The following ZC3H6 variants were observed in gnomAD, a reference collection of about 807,000 sequenced individuals.
The protein encoded by ZC3H6 is zinc finger CCCH domain-containing protein 6.
Under a neutral mutation model 107.7 loss-of-function variants are expected in ZC3H6, and 40 were observed. The ratio of observed to expected loss-of-function variants is 0.37; its 90% confidence interval spans 0.29 to 0.48. ZC3H6 has a LOEUF of 0.48. ZC3H6 is among the 20% of genes least tolerant of loss of function. The probability of loss-of-function intolerance (pLI) is 0.98; values close to 1 mark genes in which losing one functional copy is unlikely to be tolerated. For synonymous variants in ZC3H6, 493 were observed against 487.9 expected (o/e 1.01, Z -0.14); for missense variants, 1,267 against 1,410.4 (o/e 0.90, Z 1.63).
chr2:112,310,651 A>G (rs980645718), intron 4 of ZC3H6, among the ~76,000 whole-genome samples: 1 of 152,242 alleles, frequency 6.6e-6, no homozygotes, highest in African/African-American at 2.4e-5. Context: ...ATTGAATTAC[A>G]TGGTCCCTGG....
chr2:112,289,239 C>A (rs1381265852), intron 1 of ZC3H6, among the ~76,000 whole-genome samples: 1 of 151,030 alleles, frequency 6.6e-6, no homozygotes, highest in African/African-American at 2.4e-5. Flanking sequence ...CTCAAGTGAT[C>A]TGCCCACCTC....
chr2:112,335,164 G>A lies in ZC3H6; in HGVS notation c.*2676G>A, dbSNP rs1677117912. 6.6e-6 allele frequency: 1 copy of A among 152,170 alleles called. No individual in the cohort carries two copies. The highest frequency in any genetic ancestry group is 1.5e-5 in the Non-Finnish European group (1 of 68,020). 9.4% of individuals were successfully genotyped at this position (152,170 alleles called of 1,614,324 possible). A position where few individuals can be genotyped will look rare whatever the true frequency, so the allele number is the denominator to read the frequency against. On this transcript the variant is annotated 3_prime_UTR_variant, in exon 12 of 12. Transcript: ENST00000409871. ...CATTGTGAACCTTGAACACAAATCA[G>A]ATGTTGGAGTGATTTCAAACTCTAT...
chr2:112,284,597 T>A (rs1424057191), intron 1 of ZC3H6, among the ~76,000 whole-genome samples: 1 of 151,570 alleles, frequency 6.6e-6, no homozygotes, highest in African/African-American at 2.4e-5. Context: ...ATGATTGCTG[T>A]CATGCACATA....
chr2:112,282,268 G>A (rs1258236240), intron 1 of ZC3H6, among the ~76,000 whole-genome samples: 2 of 152,152 alleles, frequency 1.3e-5, no homozygotes, highest in Admixed American at 6.5e-5. Context: ...CAGAGCGGCC[G>A]GAGAACTCTG....
chr2:112,303,110 T>G, intron 2 of ZC3H6, 119 bp from the exon 3 acceptor site: 1 of 1,276,888 alleles, frequency 7.8e-7, no homozygotes, highest in Non-Finnish European at 1.1e-6. Flanking sequence ...TACTTCAGAG[T>G]CTCCTGGAAT....
chr2:112,316,515 A>T lies in ZC3H6; in HGVS notation c.793A>T (p.Ile265Phe). ...KKWKVMTQEF[I>F]NQHTVEHKGK... is the part of the protein sequence containing the mutation. Reference sequence around the variant, plus strand: ...ATGGAAGGTTATGACTCAGGAATTTATTAATCAGCACACAGTGGAACACAA... The same window carrying T: ...ATGGAAGGTTATGACTCAGGAATTTTTTAATCAGCACACAGTGGAACACAA... Residue 265 changes from isoleucine to phenylalanine, a missense_variant, in exon 6 of 12, where the codon ATT (isoleucine) becomes TTT (phenylalanine). This residue lies in a region of ZC3H6 where 337 missense variants were observed against 361.2 expected (regional missense o/e 0.93). Transcript: ENST00000409871. The T allele has an allele frequency of 6.2e-7, 1 of 1,610,452 alleles. No homozygotes were observed. The highest frequency in any genetic ancestry group is 1.1e-5 in the South Asian group (1 of 90,228).
chr2:112,327,959 G>T (rs764956252), intron 11 of ZC3H6, among the ~76,000 whole-genome samples: 2 of 151,802 alleles, frequency 1.3e-5, no homozygotes, highest in Non-Finnish European at 2.9e-5. Context: ...GTGCGATCTC[G>T]GCTCACCACA....
chr2:112,289,615 G>A (rs1258650835), intron 1 of ZC3H6, among the ~76,000 whole-genome samples: 1 of 152,088 alleles, frequency 6.6e-6, no homozygotes, highest in Non-Finnish European at 1.5e-5. Context: ...GTGAGCCACC[G>A]CGCCGGCCCT....
chr2:112,314,395 C>T (rs2104715410), intron 5 of ZC3H6, among the ~76,000 whole-genome samples: 1 of 152,214 alleles, frequency 6.6e-6, no homozygotes, highest in African/African-American at 2.4e-5. Context: ...TAGCTGTGGA[C>T]ACTGACATAC....
chr2:112,293,495 T>C (rs949795495), intron 1 of ZC3H6, among the ~76,000 whole-genome samples: 1 of 152,206 alleles, frequency 6.6e-6, no homozygotes, highest in South Asian at 2.1e-4. Flanking sequence ...AGGAACTGTT[T>C]ATGAAACTGT....
chr2:112,300,059 G>T, intron 2 of ZC3H6, 30 bp downstream of exon 2: 1 of 1,294,726 alleles, frequency 7.7e-7, no homozygotes, highest in South Asian at 2.2e-5. Flanking sequence ...TTATTCTTTT[G>T]ATAAATGTTT....
intron 7 of ZC3H6, among the ~76,000 whole-genome samples, chr2:112,319,006 A>G (rs2104718572): frequency 6.6e-6 from 1 of 152,354 alleles, no homozygotes; most frequent in East Asian, 1.9e-4. Context: ...GGAAAGGGGA[A>G]CTTCTAGAAA....
At chr2:112,276,829 ATCTT>A (rs1423881670) in intron 1 of ZC3H6, among the ~76,000 whole-genome samples, 6 of 152,240 alleles carry the variant, frequency 3.9e-5, no homozygotes, top group Admixed American at 1.3e-4. Flanking sequence ...ATTCGTATAT[ATCTT>A]TAATAATGCG....
rs1435092537 is a variant in ZC3H6 at position 112,302,831 on chromosome 2, C to T, written c.214-398C>T. The stretch of plus-strand genomic sequence containing the variant: ...TACTCATGCAATAGAATAAGAACTC[C>T]AAAGCCATTTTAGGTAAAAACAAAT... On this transcript the variant is annotated intron_variant, in intron 2 of 11. Coordinates refer to ENST00000409871, the MANE Select transcript of ZC3H6 (RefSeq NM_198581.3). Among the ~76,000 whole-genome samples the T allele has an allele frequency of 5.3e-5, 8 of 151,648 alleles. No homozygotes were observed. The South Asian group carries it at 1.7e-3, about 32-fold the overall frequency.
chr2:112,285,549 G>C (rs1038773031), intron 1 of ZC3H6, among the ~76,000 whole-genome samples: 1 of 151,758 alleles, frequency 6.6e-6, no homozygotes, highest in African/African-American at 2.4e-5. Flanking sequence ...GTAGAGACGG[G>C]GTTTCACCAT....
In ZC3H6 at chr2:112,321,638, C is replaced by A. The variant is rs1676803848; in HGVS notation, c.977-118C>A. The A allele has an allele frequency of 1.7e-5, 9 of 545,384 alleles. No individual in the cohort carries two copies. The South Asian group carries it at 2.8e-4, about 17-fold the overall frequency. 33.8% of individuals were successfully genotyped at this position (545,384 alleles called of 1,614,324 possible). A position where few individuals can be genotyped will look rare whatever the true frequency, so the allele number is the denominator to read the frequency against. On this transcript the variant is annotated intron_variant, in intron 7 of 11. Transcript: ENST00000409871. ...AATACAGTATTGTTGACTATAGGTA[C>A]AATGTTACATAGCAGATCTCTAGAA...
Position 112,324,494 on chromosome 2 carries a change from G to A in ZC3H6, c.1683G>A (p.Met561Ile). ...YHSPGFPGHV[M>I]KVPRENHCSP... ...CCCCAGGCTTTCCAGGACATGTGAT[G>A]AAAGTACCCAGAGAGAATCACTGTT... Residue 561 changes from methionine (M) to isoleucine (I), a missense_variant, in exon 10 of 12, where the codon ATG becomes ATA. By Grantham distance (10) the Met-to-Ile change is conservative. Coordinates refer to ENST00000409871, the MANE Select transcript of ZC3H6 (RefSeq NM_198581.3). 6.2e-7 allele frequency: 1 copy of A among 1,613,592 alleles called. No homozygotes were observed. The highest frequency in any genetic ancestry group is 8.5e-7 in the Non-Finnish European group (1 of 1,179,702).
intron 2 of ZC3H6, among the ~76,000 whole-genome samples, chr2:112,301,029 G>A (rs62160168): frequency 0.016 from 2,512 of 152,290 alleles, 23 homozygotes; most frequent in Non-Finnish European, 0.024. Flanking sequence ...CCAAACGATA[G>A]ACAGCAACAA....
At chr2:112,300,500 G>A (rs1177400008) in intron 2 of ZC3H6, among the ~76,000 whole-genome samples, 2 of 152,068 alleles carry the variant, frequency 1.3e-5, no homozygotes, top group African/African-American at 4.8e-5. Flanking sequence ...CCACCACACC[G>A]GGCTTCAAGT....
Sources: gnomAD v4.1 joint callset for allele counts (sites outside exome capture counted in the v4.1 genomes callset) on GRCh38, gnomAD v4.1.1 for gene constraint, gnomAD v4.1.1 regional missense constraint, MANE v1.5 for transcripts, NCBI Gene and HGNC (gene_info 2026-07-23, HGNC 2026-07-21) for gene names.